XPA: variants seen among roughly 807,000 people sequenced by gnomAD.
The protein encoded by XPA is DNA repair protein complementing XP-A cells.
A neutral mutation model predicts 35.7 loss-of-function variants in XPA; 27 were observed. The ratio of observed to expected loss-of-function variants is 0.76; its 90% confidence interval spans 0.56 to 1.04. The LOEUF (loss-of-function observed/expected upper bound fraction) is 1.04. XPA is among the 50% of genes least tolerant of loss of function. The probability of loss-of-function intolerance (pLI) is 0.00; values close to 1 mark genes in which losing one functional copy is unlikely to be tolerated. For synonymous variants in XPA, 133 were observed against 118.4 expected (o/e 1.12, Z -0.80); for missense variants, 354 against 342.7 (o/e 1.03, Z -0.26).
rs779343231 is a variant in XPA, at chr9:97,689,495, T to A, written c.389+39A>T. On this transcript the variant is annotated intron_variant, in intron 3 of 5. Coordinates refer to ENST00000375128, the MANE Select transcript of XPA (RefSeq NM_000380.4). ...ACTTGTTTTGCCCTAAACCTACACA[T>A]AAACATTAGCAATTAAGAACACCAT... 3.1e-6 allele frequency: 4 copies of A among 1,299,050 alleles called. No homozygotes were observed. The Admixed American group carries it at 6.8e-5, about 22-fold the overall frequency. 80.5% of individuals were successfully genotyped at this position (1,299,050 alleles called of 1,614,324 possible).
the XPA span, chr9:97,660,909 G>T: frequency 1.3e-6 from 2 of 1,576,218 alleles, no homozygotes; most frequent in South Asian, 1.1e-5. Flanking sequence ...CTTGAAACCT[G>T]ATCTGTCATT....
rs935892919 is a variant in XPA, at chr9:97,687,368, T to A, written c.390-107A>T. On this transcript the variant is annotated intron_variant, in intron 3 of 5. Coordinates refer to ENST00000375128, the MANE Select transcript of XPA (RefSeq NM_000380.4). ...CACACAGCAAAAAGGACATATAAAA[T>A]ACTTTTTCCTGCAACTCTCATGGTT... 3.2e-6 allele frequency: 3 copies of A among 924,528 alleles called. No homozygotes were observed. In the African/African-American group the frequency reaches 5.0e-5, roughly 15 times the overall value. The allele number at this position is 924,528 out of a possible 1,614,324, so 57.3% of individuals were successfully genotyped here.
chr9:97,660,797 A>T, the XPA span: 5 of 890,486 alleles, frequency 5.6e-6, no homozygotes, highest in Non-Finnish European at 3.3e-6. Flanking sequence ...TACGGTATTT[A>T]TATGTGATTA....
the XPA span, among the ~76,000 whole-genome samples, chr9:97,659,964 G>A: frequency 2.0e-5 from 3 of 152,056 alleles, no homozygotes; most frequent in Admixed American, 1.3e-4. Context: ...ACCCCAGTCT[G>A]GAAAGCCCTT....
At chr9:97,694,252 G>C (rs1828977896) in intron 1 of XPA, among the ~76,000 whole-genome samples, 1 of 139,148 alleles carries the variant, frequency 7.2e-6, no homozygotes, top group South Asian at 2.2e-4. Context: ...TTGTGTGTGT[G>C]TGCGTGCGCA....
chr9:97,672,711 C>A, downstream of XPA: 1 of 178,874 alleles, frequency 5.6e-6, no homozygotes, highest in Non-Finnish European at 1.1e-5. Flanking sequence ...CCCTTGTCTT[C>A]CTCAGCCTGC....
chr9:97,660,223 A>G, the XPA span, among the ~76,000 whole-genome samples: 1 of 152,110 alleles, frequency 6.6e-6, no homozygotes, highest in African/African-American at 2.4e-5. Context: ...AATTTACTTT[A>G]TTCATTCCAG....
At chr9:97,686,270 T>C (rs1828713246) in intron 4 of XPA, among the ~76,000 whole-genome samples, 1 of 152,190 alleles carries the variant, frequency 6.6e-6, no homozygotes, top group Admixed American at 6.5e-5. Flanking sequence ...CTGAGGTAGA[T>C]ACAAGAGGCT....
At chr9:97,674,273 A>ATATT (rs1289799581), downstream of XPA, among the ~76,000 whole-genome samples, 2 of 152,132 alleles carry the variant, frequency 1.3e-5, no homozygotes, top group Non-Finnish European at 2.9e-5. Context: ...CTAAGCTGTA[A>ATATT]TATTTAGCAT....
At chr9:97,682,553 G>A in intron 5 of XPA, 6 of 447,826 alleles carry the variant, frequency 1.3e-5, no homozygotes, top group South Asian at 1.0e-4. Flanking sequence ...CACAAAAGCA[G>A]TAAAACATTT....
Position 97,685,000 on chromosome 9 carries a change from G to A in XPA, c.596C>T (p.Ala199Val). Reference protein sequence around the residue: ...RSLEVWGSQEALEEAKEVRQE... With the variant: ...RSLEVWGSQEVLEEAKEVRQE... ...TCGGACTTCCTTTGCTTCTTCTAAT[G>A]CTTCTTGACTACCCCAAACTTCAAG... Residue 199 changes from alanine to valine, a missense_variant, in exon 5 of 6, where the codon GCA (alanine) becomes GTA (valine). Coordinates refer to ENST00000375128, the MANE Select transcript of XPA (RefSeq NM_000380.4). 1.9e-6 allele frequency: 3 copies of A among 1,613,270 alleles called. No homozygotes were observed. In the Admixed American group the frequency reaches 5.0e-5, roughly 27 times the overall value.
At chr9:97,655,632 A>C in the XPA span, 1 of 1,288,036 alleles carries the variant, frequency 7.8e-7, no homozygotes, top group Non-Finnish European at 1.1e-6. Flanking sequence ...TTGAAGGCTT[A>C]TATAAGTTTC....
intron 5 of XPA, chr9:97,682,541 T>A (rs3176709): frequency 2.1e-6 from 1 of 476,680 alleles, no homozygotes; most frequent in Non-Finnish European, 4.2e-6. Context: ...GGTATTCATA[T>A]GCACAAAAGC....
chr9:97,682,419 C>T (rs1828575160), intron 5 of XPA: 2 of 518,826 alleles, frequency 3.9e-6, no homozygotes, highest in South Asian at 1.4e-5. Context: ...TTCAGGAAGG[C>T]GGGAACAACC....
intron 3 of XPA, among the ~76,000 whole-genome samples, chr9:97,687,819 C>T (rs1233120655): frequency 1.3e-5 from 2 of 152,032 alleles, no homozygotes; most frequent in Non-Finnish European, 2.9e-5. Context: ...GATGAGATGC[C>T]GATGAATTCA....
intron 2 of XPA, among the ~76,000 whole-genome samples, chr9:97,690,821 C>T (rs184079790): frequency 8.3e-4 from 127 of 152,358 alleles, no homozygotes; most frequent in African/African-American, 2.8e-3. Flanking sequence ...CCGTGCCCGG[C>T]CCCTCTTCCA....
intron 5 of XPA, among the ~76,000 whole-genome samples, chr9:97,679,807 GCAGT>G (rs917396671): frequency 5.3e-5 from 8 of 152,266 alleles, no homozygotes; most frequent in Admixed American, 3.9e-4. Context: ...CCTTAACTAA[GCAGT>G]CAAACTACCA....
downstream of XPA, chr9:97,671,598 A>G (rs1178474574): frequency 1.3e-5 from 2 of 155,290 alleles, no homozygotes; most frequent in Non-Finnish European, 2.8e-5. Flanking sequence ...ATGAATTAAC[A>G]TGGCTGAAAT....
chr9:97,668,356 GA>G, the XPA span, among the ~76,000 whole-genome samples: 1 of 152,132 alleles, frequency 6.6e-6, no homozygotes. Flanking sequence ...AGCTTTACAG[GA>G]GTATATTGAG....
Sources: gnomAD v4.1 joint callset for allele counts (sites outside exome capture counted in the v4.1 genomes callset) on GRCh38, gnomAD v4.1.1 for gene constraint, MANE v1.5 for transcripts, NCBI Gene and HGNC (gene_info 2026-07-23, HGNC 2026-07-21) for gene names.